The following RBFOX1 variants were observed in gnomAD, a reference collection of about 807,000 sequenced individuals.
RBFOX1 encodes the protein RNA binding protein fox-1 homolog 1.
In RBFOX1, 8 loss-of-function variants were observed where a neutral mutation model predicts 57.7. That is an observed-to-expected ratio of 0.14 (90% CI 0.08 to 0.25). RBFOX1 has a LOEUF of 0.25. Ranked by LOEUF, RBFOX1 falls within the 10% of genes least tolerant of loss-of-function variation. RBFOX1 has a pLI of 1.00. For missense variants in RBFOX1, 611 were observed against 548.5 expected (o/e 1.11, Z -1.14); for synonymous variants, 326 against 222.4 (o/e 1.47, Z -4.15).
intron 1 of RBFOX1, among the ~76,000 whole-genome samples, chr16:6,194,252 C>T (rs998792984): frequency 1.1e-4 from 16 of 152,186 alleles, no homozygotes; most frequent in Admixed American, 1.3e-4. Context: ...CAGAATCCAG[C>T]ATTTGCCTTA....
intron 1 of RBFOX1, among the ~76,000 whole-genome samples, chr16:5,241,007 A>C (rs1162195535): frequency 2.0e-5 from 3 of 152,242 alleles, no homozygotes; most frequent in Admixed American, 1.3e-4. Context: ...GTTCCTTCCA[A>C]ATGTTTTTAT....
At chr16:7,471,779 C>A (rs902710430) in intron 4 of RBFOX1, among the ~76,000 whole-genome samples, 9 of 152,104 alleles carry the variant, frequency 5.9e-5, no homozygotes, top group African/African-American at 1.7e-4. Context: ...AGTCTCTTTC[C>A]CTTAAGAGTG....
intron 1 of RBFOX1, among the ~76,000 whole-genome samples, chr16:6,086,758 G>C (rs185770811): frequency 9.8e-5 from 15 of 152,300 alleles, no homozygotes; most frequent in African/African-American, 2.9e-4. Context: ...TTGTACAAAA[G>C]AGATATTCAG....
In RBFOX1 at chr16:6,857,091, GTGATTGCTTCAAAAACCC is replaced by G. The variant is rs1188376113; in HGVS notation, c.-15-194962_-15-194945del. Among the ~76,000 whole-genome samples, 10 of 152,232 alleles carry G rather than the reference GTGATTGCTTCAAAAACCC, an allele frequency of 6.6e-5. No homozygotes were observed. In the East Asian group the frequency reaches 1.7e-3, roughly 26 times the overall value. On this transcript the variant is annotated intron_variant, in intron 3 of 15. Coordinates refer to ENST00000550418, the MANE Select transcript of RBFOX1 (RefSeq NM_018723.4). ...GGTTGTCTTTCTTATTTGTTGTGAA[GTGATTGCTTCAAAAACCC>G]TGACACAAATCTCTGTAGAGTGATT...
intron 3 of RBFOX1, among the ~76,000 whole-genome samples, chr16:5,831,148 T>C (rs987753001): frequency 2.0e-5 from 3 of 152,148 alleles, no homozygotes; most frequent in African/African-American, 7.2e-5. Context: ...CCACATCTCA[T>C]ATTAAAATGT....
In RBFOX1 at chr16:6,658,259, A is replaced by C. The variant is rs542374983; in HGVS notation, c.-16+3609A>C. Among the ~76,000 whole-genome samples the C allele has an allele frequency of 8.6e-5, 13 of 150,590 alleles. No individual in the cohort carries two copies. The East Asian group carries it at 2.5e-3, about 29-fold the overall frequency. ...GAGCCTTCATTTTTTTTTTTTTTTA[A>C]CAGTCTCCCTCTGTCTCAAATCTGG... On this transcript the variant is annotated intron_variant, in intron 3 of 15. Transcript: ENST00000550418.
chr16:6,447,978 GTCTC>G (rs3066907), intron 2 of RBFOX1, among the ~76,000 whole-genome samples: 4 of 150,930 alleles, frequency 2.7e-5, no homozygotes, highest in South Asian at 2.1e-4. Context: ...TCAGACAAGA[GTCTC>G]TCTCTCTCTC....
intron 2 of RBFOX1, among the ~76,000 whole-genome samples, chr16:6,535,018 C>G (rs962731569): frequency 2.6e-5 from 4 of 152,150 alleles, no homozygotes; most frequent in Non-Finnish European, 5.9e-5. Flanking sequence ...GACAGTCATT[C>G]ATGACACAGG....
chr16:6,193,523 A>G (rs993919311), intron 1 of RBFOX1, among the ~76,000 whole-genome samples: 2 of 149,588 alleles, frequency 1.3e-5, no homozygotes, highest in Non-Finnish European at 3.0e-5. Context: ...AGCAAGTCAC[A>G]TAACCCTGGG....
At chr16:7,346,800 C>T (rs959182033) in intron 4 of RBFOX1, among the ~76,000 whole-genome samples, 4 of 152,068 alleles carry the variant, frequency 2.6e-5, no homozygotes, top group African/African-American at 9.7e-5. Flanking sequence ...TTGATGATCT[C>T]CACCATTCTG....
chr16:7,010,072 A>C (rs1045640170), intron 3 of RBFOX1, among the ~76,000 whole-genome samples: 1 of 152,348 alleles, frequency 6.6e-6, no homozygotes, highest in South Asian at 2.1e-4. Context: ...GAGAATTCAA[A>C]TTTAGTTAAC....
At chr16:6,907,220 A>G (rs1009328054) in intron 3 of RBFOX1, among the ~76,000 whole-genome samples, 2 of 152,146 alleles carry the variant, frequency 1.3e-5, no homozygotes, top group African/African-American at 2.4e-5. Context: ...ATGTTGTTAA[A>G]TATCCTACAG....
chr16:6,300,286 C>G (rs1458171531), intron 1 of RBFOX1, among the ~76,000 whole-genome samples: 5 of 152,108 alleles, frequency 3.3e-5, no homozygotes, highest in African/African-American at 1.2e-4. Flanking sequence ...TAGTTAGTAA[C>G]AATGTATATA....
At chr16:7,056,325 A>T (rs1313161956) in intron 4 of RBFOX1, among the ~76,000 whole-genome samples, 1 of 152,152 alleles carries the variant, frequency 6.6e-6, no homozygotes, top group Non-Finnish European at 1.5e-5. Context: ...AAGGTTTGTC[A>T]ATCTAGAGTA....
intron 3 of RBFOX1, among the ~76,000 whole-genome samples, chr16:7,035,611 A>G (rs145577417): frequency 1.3e-5 from 2 of 152,204 alleles, no homozygotes; most frequent in Admixed American, 1.3e-4. Context: ...TATTATTATT[A>G]TTTTAAATCT....
At chr16:7,481,036 G>C (rs1045231192) in intron 4 of RBFOX1, among the ~76,000 whole-genome samples, 4 of 152,126 alleles carry the variant, frequency 2.6e-5, no homozygotes, top group African/African-American at 9.7e-5. Context: ...CCTAGCTCTT[G>C]AGACAAAACA....
intron 3 of RBFOX1, among the ~76,000 whole-genome samples, chr16:5,745,971 T>C (rs867396951): frequency 6.6e-6 from 1 of 152,256 alleles, no homozygotes; most frequent in Non-Finnish European, 1.5e-5. Context: ...TTTTGGCTTT[T>C]GTTGCCATTG....
intron 3 of RBFOX1, among the ~76,000 whole-genome samples, chr16:5,752,006 A>G (rs993379821): frequency 1.3e-5 from 2 of 152,220 alleles, no homozygotes; most frequent in Admixed American, 6.5e-5. Context: ...CACAATAGCA[A>G]AGACATGGAG....
intron 4 of RBFOX1, among the ~76,000 whole-genome samples, chr16:5,885,553 C>G (rs1169981163): frequency 6.6e-6 from 1 of 152,114 alleles, no homozygotes; most frequent in Non-Finnish European, 1.5e-5. Context: ...TTTCCTTCCT[C>G]AAAGTGATGG....
Sources: allele counts gnomAD v4.1 joint callset (sites outside exome capture counted in the v4.1 genomes callset), GRCh38; gene constraint gnomAD v4.1.1; transcripts MANE v1.5; gene names NCBI Gene and HGNC (gene_info 2026-07-23, HGNC 2026-07-21).